ARFGEF3: variants seen among roughly 807,000 people sequenced by gnomAD.
The protein encoded by ARFGEF3 is brefeldin A-inhibited guanine nucleotide-exchange protein 3.
In ARFGEF3, 96 loss-of-function variants were observed where a neutral mutation model predicts 221.7. The ratio of observed to expected loss-of-function variants is 0.43; its 90% confidence interval spans 0.37 to 0.51. ARFGEF3 has a LOEUF of 0.51. ARFGEF3 is among the 20% of genes least tolerant of loss of function. ARFGEF3 has a pLI of 0.00. For missense variants in ARFGEF3, 2,410 were observed against 2,789.9 expected (o/e 0.86, Z 3.07); for synonymous variants, 1,145 against 1,126.8 (o/e 1.02, Z -0.32).
intron 12 of ARFGEF3, among the ~76,000 whole-genome samples, chr6:138,265,882 C>T (rs540534944): frequency 4.6e-5 from 7 of 151,134 alleles, no homozygotes; most frequent in East Asian, 4.0e-4. Flanking sequence ...TGAGACTATA[C>T]GCACCACCAC....
At chr6:138,174,230 A>G (rs1282135146) in intron 2 of ARFGEF3, among the ~76,000 whole-genome samples, 1 of 152,174 alleles carries the variant, frequency 6.6e-6, no homozygotes, top group African/African-American at 2.4e-5. Flanking sequence ...AGATACAAGA[A>G]GAAGCCATAA....
intron 24 of ARFGEF3, among the ~76,000 whole-genome samples, chr6:138,309,312 G>A (rs192216399): frequency 6.6e-6 from 1 of 152,128 alleles, no homozygotes; most frequent in Non-Finnish European, 1.5e-5. Context: ...TCCTATTGCA[G>A]GTCATGTTGT....
In ARFGEF3 at chr6:138,243,014, C is replaced by A. The variant is rs1362627250; in HGVS notation, c.586+20C>A. The A allele has an allele frequency of 6.2e-7, 1 of 1,605,044 alleles. No homozygotes were observed. The highest frequency in any genetic ancestry group is 1.1e-5 in the South Asian group (1 of 90,052). ...ATCAAGGTATGGCATTTGATTTGTA[C>A]TAGTTCAGTTTTTAAAGCAGGTGTG... On this transcript the variant is annotated intron_variant, in intron 7 of 33. Transcript: ENST00000251691.
chr6:138,315,198 T>G (rs77030805), intron 26 of ARFGEF3, among the ~76,000 whole-genome samples: 1,598 of 152,344 alleles, frequency 0.01, 12 homozygotes, highest in Middle Eastern at 0.024. Context: ...AGAGACTCTA[T>G]TTGTGACTGT....
intron 25 of ARFGEF3, among the ~76,000 whole-genome samples, chr6:138,312,398 T>C (rs992538110): frequency 6.6e-5 from 10 of 152,092 alleles, no homozygotes; most frequent in Non-Finnish European, 1.5e-4. Flanking sequence ...AGCCCATGGC[T>C]TTAAAAGGGA....
chr6:138,182,463 T>A (rs1777095405), intron 2 of ARFGEF3, among the ~76,000 whole-genome samples: 1 of 152,192 alleles, frequency 6.6e-6, no homozygotes, highest in Admixed American at 6.5e-5. Flanking sequence ...TCAAAACAGC[T>A]TCAAATGCAA....
chr6:138,209,920 C>G lies in ARFGEF3; in HGVS notation c.230C>G (p.Ser77Trp). 1 of 1,613,418 alleles carries G rather than the reference C, an allele frequency of 6.2e-7. No individual in the cohort carries two copies. Among genetic ancestry groups the G allele is most frequent in the South Asian group, 1.1e-5 (1 of 90,970 alleles). Residue 77 changes from serine to tryptophan, a missense_variant, in exon 4 of 34, where the codon TCG becomes TGG. Physicochemically the swap from Ser to Trp is radical, Grantham distance 177. This residue lies in a region of ARFGEF3 where 570 missense variants were observed against 586.9 expected (regional missense o/e 0.97). Coordinates refer to ENST00000251691, the MANE Select transcript of ARFGEF3 (RefSeq NM_020340.5). ...TGTGCCTCTTTACAGAAGCTTCTGT[C>G]GGAAGAGAGGTTTGTATCCATGGAA... ...HALAGMQKLL[S>W]EERFVSMETD...
chr6:138,222,064 CAA>C (rs1327989578), intron 4 of ARFGEF3, among the ~76,000 whole-genome samples: 1 of 152,148 alleles, frequency 6.6e-6, no homozygotes, highest in African/African-American at 2.4e-5. Flanking sequence ...GTCTCTGAAG[CAA>C]AGGGAAGGAT....
intron 12 of ARFGEF3, 63 bp downstream of exon 12, chr6:138,263,674 G>A (rs371597350): frequency 2.3e-5 from 32 of 1,382,292 alleles, no homozygotes; most frequent in East Asian, 1.6e-4. Flanking sequence ...GCCTTAATGG[G>A]CAATTACTAT....
rs372378840 is a variant in ARFGEF3, at chr6:138,311,506, C to G, written c.4196C>G (p.Ser1399Cys). The change falls in exon 25 of 34, where the codon TCT (serine) becomes TGT (cysteine). Residue 1399 changes from serine to cysteine, a missense_variant. Physicochemically the swap from Ser to Cys is moderately radical, Grantham distance 112. Coordinates refer to ENST00000251691, the MANE Select transcript of ARFGEF3 (RefSeq NM_020340.5). ...LPALDYLRRC[S>C]QLLAKIYKMP... is the part of the protein sequence containing the mutation. ...GCCCTGGATTACCTCAGGCGCTGCT[C>G]TCAGGTAGGGGAATGGTCCAGCTGG... 4 of 1,589,356 alleles carry G rather than the reference C, an allele frequency of 2.5e-6. No individual in the cohort carries two copies. Among genetic ancestry groups the G allele is most frequent in the African/African-American group, 1.3e-5 (1 of 74,470 alleles).
intron 25 of ARFGEF3, among the ~76,000 whole-genome samples, chr6:138,313,072 A>AT (rs1489864157): frequency 6.6e-6 from 1 of 152,152 alleles, no homozygotes; most frequent in African/African-American, 2.4e-5. Flanking sequence ...GAATTTGATT[A>AT]TTTTAGAAAG....
chr6:138,180,767 C>T (rs1403209320), intron 2 of ARFGEF3, among the ~76,000 whole-genome samples: 2 of 152,098 alleles, frequency 1.3e-5, no homozygotes, highest in African/African-American at 2.4e-5. Context: ...AGGGCTTGTT[C>T]TAGAGGAGAA....
intron 2 of ARFGEF3, among the ~76,000 whole-genome samples, chr6:138,197,760 C>G (rs749658599): frequency 6.6e-6 from 1 of 152,162 alleles, no homozygotes; most frequent in East Asian, 1.9e-4. Flanking sequence ...GCTCTCAGCA[C>G]GGTGACTGGC....
intron 10 of ARFGEF3, among the ~76,000 whole-genome samples, chr6:138,260,342 TATCA>T (rs1380975031): frequency 2.0e-5 from 3 of 152,182 alleles, no homozygotes; most frequent in Non-Finnish European, 4.4e-5. Flanking sequence ...TTGCTTGGAG[TATCA>T]ATCACTTTGA....
chr6:138,189,870 A>G (rs1777262319), intron 2 of ARFGEF3, among the ~76,000 whole-genome samples: 2 of 152,040 alleles, frequency 1.3e-5, no homozygotes, highest in African/African-American at 4.8e-5. Context: ...GCTTGAGCCC[A>G]GGGGTTCAAG....
At position 138,209,971 on chromosome 6, in the gene ARFGEF3, T is replaced by C; in HGVS notation, c.281T>C (p.Leu94Pro). Residue 94 changes from leucine to proline, a missense_variant, in exon 4 of 34, where the codon CTC (leucine) becomes CCC (proline). By Grantham distance (98) the Leu-to-Pro change is moderately conservative. Around this residue, in one of 5 missense-constraint regions of ARFGEF3, gnomAD observed 570 missense variants for 586.9 expected, o/e 0.97. Coordinates refer to ENST00000251691, the MANE Select transcript of ARFGEF3 (RefSeq NM_020340.5). ...ACAGATTCTGATGAGAAGCAGCTGCTCAATCAGATACTGAATGCCGTGAAA... is the reference window on the plus strand; with the variant it reads ...ACAGATTCTGATGAGAAGCAGCTGCCCAATCAGATACTGAATGCCGTGAAA... ...METDSDEKQL[L>P]NQILNAVKVT... 1 of 1,613,790 alleles carries C rather than the reference T, an allele frequency of 6.2e-7. No homozygotes were observed. Among genetic ancestry groups the C allele is most frequent in the Non-Finnish European group, 8.5e-7 (1 of 1,179,714 alleles).
At chr6:138,329,786 C>T (rs903582096) in intron 32 of ARFGEF3, among the ~76,000 whole-genome samples, 3 of 152,184 alleles carry the variant, frequency 2.0e-5, no homozygotes, top group Non-Finnish European at 2.9e-5. Flanking sequence ...GATGTGGTTA[C>T]GCCTATCCCC....
chr6:138,165,406 A>G (rs895794255), intron 1 of ARFGEF3, among the ~76,000 whole-genome samples: 1 of 149,748 alleles, frequency 6.7e-6, no homozygotes, highest in African/African-American at 2.5e-5. Flanking sequence ...TTAGACCATC[A>G]TGGGAGAGAG....
intron 1 of ARFGEF3, among the ~76,000 whole-genome samples, chr6:138,165,114 C>T (rs143098241): frequency 6.6e-6 from 1 of 150,662 alleles, no homozygotes; most frequent in African/African-American, 2.4e-5. Flanking sequence ...GAGGTCATCC[C>T]CCTCTGAGAC....
Sources: allele counts gnomAD v4.1 joint callset (sites outside exome capture counted in the v4.1 genomes callset), GRCh38; gene constraint gnomAD v4.1.1; regional missense constraint gnomAD v4.1.1; transcripts MANE v1.5; gene names NCBI Gene and HGNC (gene_info 2026-07-23, HGNC 2026-07-21).